The following IMMP2L variants were observed in gnomAD, a reference collection of about 807,000 sequenced individuals.
IMMP2L encodes the protein inner mitochondrial membrane peptidase subunit 2, also known as mitochondrial inner membrane protease subunit 2.
In IMMP2L, 18 loss-of-function variants were observed where a neutral mutation model predicts 19.3. The ratio of observed to expected loss-of-function variants is 0.93; its 90% CI spans 0.64 to 1.38. The LOEUF is 1.38. Among genes scored for constraint, IMMP2L ranks in the 40% most tolerant of loss-of-function variants. The probability of loss-of-function intolerance (pLI) is 0.00; values close to 1 mark genes in which losing one functional copy is unlikely to be tolerated. For synonymous variants in IMMP2L, 76 were observed against 73.0 expected (o/e 1.04, Z -0.21); for missense variants, 233 against 218.2 (o/e 1.07, Z -0.43).
At chr7:111,084,459 T>C (rs1350939731) in intron 3 of IMMP2L, among the ~76,000 whole-genome samples, 6 of 152,078 alleles carry the variant, frequency 3.9e-5, no homozygotes, top group African/African-American at 1.2e-4. Context: ...GGTAGAAAGA[T>C]AGATAGACGG....
At chr7:110,898,802 A>T in intron 4 of IMMP2L, among the ~76,000 whole-genome samples, 1 of 147,772 alleles carries the variant, frequency 6.8e-6, no homozygotes. Context: ...CTTTTTCCTG[A>T]GTTTGTTTTT....
intron 3 of IMMP2L, among the ~76,000 whole-genome samples, chr7:111,352,327 T>C (rs1828248230): frequency 6.6e-6 from 1 of 151,260 alleles, no homozygotes; most frequent in African/African-American, 2.4e-5. Context: ...GCCTCCCAAG[T>C]AGCTGGGTAA....
intron 3 of IMMP2L, among the ~76,000 whole-genome samples, chr7:111,312,329 A>G (rs2130308306): frequency 6.6e-6 from 1 of 152,266 alleles, no homozygotes; most frequent in Middle Eastern, 3.4e-3. Flanking sequence ...ATCCATGTCT[A>G]CCATTCATGT....
chr7:111,538,599 A>T (rs1229973538), intron 1 of IMMP2L, among the ~76,000 whole-genome samples: 2 of 149,880 alleles, frequency 1.3e-5, no homozygotes, highest in Non-Finnish European at 3.0e-5. Context: ...AGGAGTTTGA[A>T]ACCAACCTGA....
chr7:111,040,776 A>T (rs938162225), intron 3 of IMMP2L, among the ~76,000 whole-genome samples: 1 of 149,950 alleles, frequency 6.7e-6, no homozygotes, highest in African/African-American at 2.4e-5. Context: ...AAAACTATAT[A>T]AAATCTAATA....
intron 3 of IMMP2L, among the ~76,000 whole-genome samples, chr7:111,319,448 T>C (rs931238770): frequency 5.3e-5 from 8 of 152,076 alleles, no homozygotes; most frequent in Admixed American, 3.9e-4. Context: ...CAGATCTAAG[T>C]AGAACTCCTT....
chr7:111,024,253 A>C (rs557666424), intron 3 of IMMP2L, among the ~76,000 whole-genome samples: 4 of 152,312 alleles, frequency 2.6e-5, no homozygotes, highest in African/African-American at 9.6e-5. Flanking sequence ...CAACTGGATA[A>C]GTTTTGACTT....
intron 3 of IMMP2L, among the ~76,000 whole-genome samples, chr7:111,407,895 C>G (rs1329945022): frequency 2.0e-5 from 3 of 151,998 alleles, no homozygotes; most frequent in Non-Finnish European, 4.4e-5. Context: ...ATAACTACTA[C>G]TCACTGAAAA....
rs1490076209 is a variant in IMMP2L at position 110,663,117 on chromosome 7, G to C, written c.*485C>G. 1 of 157,794 alleles carries C rather than the reference G, an allele frequency of 6.3e-6. No homozygotes were observed. The highest frequency in any genetic ancestry group is 1.4e-5 in the Non-Finnish European group (1 of 71,670). The allele number at this position is 157,794 out of a possible 1,614,324, so 9.8% of individuals were successfully genotyped here. A position where few individuals can be genotyped will look rare whatever the true frequency, so the allele number is the denominator to read the frequency against. On this transcript the variant is annotated 3_prime_UTR_variant, in exon 6 of 6. Coordinates refer to ENST00000405709, the MANE Select transcript of IMMP2L (RefSeq NM_032549.4). ...CTTCCTAACTGGCAGTTACTCCTTT[G>C]TAGATAGTACAAATCACAATGTAAT...
chr7:111,375,003 C>T (rs1830558479), intron 3 of IMMP2L, among the ~76,000 whole-genome samples: 1 of 151,984 alleles, frequency 6.6e-6, no homozygotes, highest in African/African-American at 2.4e-5. Context: ...ATTTACAGTT[C>T]CTACCACAGT....
intron 4 of IMMP2L, among the ~76,000 whole-genome samples, chr7:110,915,519 T>A (rs1813512845): frequency 6.6e-6 from 1 of 152,128 alleles, no homozygotes; most frequent in East Asian, 1.9e-4. Flanking sequence ...ATAAGATAAA[T>A]ACGTTCTGAA....
intron 3 of IMMP2L, among the ~76,000 whole-genome samples, chr7:111,090,562 T>C (rs1003518252): frequency 6.6e-6 from 1 of 150,832 alleles, no homozygotes; most frequent in African/African-American, 2.4e-5. Flanking sequence ...GGCAAATATA[T>C]GCTTTATTTT....
chr7:111,466,214 C>T (rs769067029), intron 3 of IMMP2L, among the ~76,000 whole-genome samples: 86 of 152,116 alleles, frequency 5.7e-4, no homozygotes, highest in Non-Finnish European at 1.0e-3. Flanking sequence ...TTAGGAGATA[C>T]ACCTAATGTT....
At chr7:111,225,703 A>AG (rs1324833549) in intron 3 of IMMP2L, among the ~76,000 whole-genome samples, 1 of 151,746 alleles carries the variant, frequency 6.6e-6, no homozygotes, top group Non-Finnish European at 1.5e-5. Context: ...AAAAAAAAAA[A>AG]AAAAAAGAAT....
At chr7:111,036,134 A>C (rs185753029) in intron 3 of IMMP2L, among the ~76,000 whole-genome samples, 1 of 152,212 alleles carries the variant, frequency 6.6e-6, no homozygotes, top group Non-Finnish European at 1.5e-5. Context: ...GCATTTTAGA[A>C]CTAGTAAAAA....
Position 111,344,986 on chromosome 7 carries a change from C to T in IMMP2L, c.239+142252G>A, listed in dbSNP as rs983837272. 3.3e-5 allele frequency among the ~76,000 whole-genome samples: 5 copies of T among 152,044 alleles called. 1 individual carries two copies. The highest frequency in any genetic ancestry group is 7.4e-5 in the Non-Finnish European group (5 of 68,008). On this transcript the variant is annotated intron_variant, in intron 3 of 5. Transcript: ENST00000405709. ...CAAAACAACATTTAAGTCCCAGAAA[C>T]CCAGGGACTCAACTCGGGTATAACA...
In IMMP2L at chr7:111,445,872, G is replaced by A. The variant is rs1307974593; in HGVS notation, c.239+41366C>T. On this transcript the variant is annotated intron_variant, in intron 3 of 5. Coordinates refer to ENST00000405709, the MANE Select transcript of IMMP2L (RefSeq NM_032549.4). The stretch of plus-strand genomic sequence containing the variant: ...CGCGCACCGTGCGTGAGCCGAAGCA[G>A]GGCGAGGCATTGCCTCACCTGGGAA... Among the ~76,000 whole-genome samples the A allele has an allele frequency of 3.3e-5, 5 of 152,224 alleles. No homozygotes were observed. In the South Asian group the frequency reaches 8.3e-4, roughly 25 times the overall value.
At chr7:111,387,148 G>A (rs1831842184) in intron 3 of IMMP2L, among the ~76,000 whole-genome samples, 1 of 152,100 alleles carries the variant, frequency 6.6e-6, no homozygotes, top group South Asian at 2.1e-4. Flanking sequence ...AAAATGATGA[G>A]GTTCCTGCAG....
chr7:111,456,216 C>T (rs1839662072), intron 3 of IMMP2L, among the ~76,000 whole-genome samples: 1 of 151,870 alleles, frequency 6.6e-6, no homozygotes, highest in African/African-American at 2.4e-5. Flanking sequence ...CTCTTGTTTA[C>T]TAAAACAGTG....
Sources: allele counts gnomAD v4.1 joint callset (sites outside exome capture counted in the v4.1 genomes callset), GRCh38; gene constraint gnomAD v4.1.1; transcripts MANE v1.5; gene names NCBI Gene and HGNC (gene_info 2026-07-23, HGNC 2026-07-21).